Variants in JAKMIP3 observed in about 807,000 individuals in gnomAD.
The protein encoded by JAKMIP3 is Janus kinase and microtubule interacting protein 3, also known as janus kinase and microtubule-interacting protein 3.
Under a neutral mutation model 118.5 loss-of-function variants are expected in JAKMIP3, and 58 were observed. The observed-to-expected ratio is 0.49, with a 90% CI of 0.40 to 0.61. JAKMIP3 has a LOEUF of 0.61. JAKMIP3 is among the 20% of genes least tolerant of loss of function. The pLI, the probability that JAKMIP3 is intolerant of heterozygous loss-of-function variation, is 0.00. For synonymous variants in JAKMIP3, 486 were observed against 451.2 expected, an observed-to-expected ratio of 1.08 and a Z score of -0.98; for missense variants, 950 against 1,109.0, an observed-to-expected ratio of 0.86 and a Z score of 2.04.
At chr10:132,042,095 A>C (rs966190538) in intron 1 of JAKMIP3, among the ~76,000 whole-genome samples, 2 of 151,826 alleles carry the variant, frequency 1.3e-5, no homozygotes, top group Non-Finnish European at 2.9e-5. Flanking sequence ...TTGAATCCTG[A>C]CCTCAAGTGA....
At chr10:132,083,796 T>C (rs2042061431) in intron 1 of JAKMIP3, among the ~76,000 whole-genome samples, 1 of 152,278 alleles carries the variant, frequency 6.6e-6, no homozygotes, top group East Asian at 1.9e-4. Flanking sequence ...GTGTCCTTTC[T>C]CCACTTTGTT....
In JAKMIP3 at chr10:132,179,338, C is replaced by T. The variant is rs1332839729; in HGVS notation, c.*1104-3019C>T. On this transcript the variant is annotated intron_variant, in intron 23 of 23. Transcript: ENST00000684848. This position sits in a 1 kb window ranked among gnomAD's most constrained non-coding sequence, Gnocchi z 4.3. Reference sequence around the variant, plus strand: ...TCCCCGGGCTCTGAGCTGGTTGGGGCTCCACCTGCACTATGCCTGAGCTCC... The same window carrying T: ...TCCCCGGGCTCTGAGCTGGTTGGGGTTCCACCTGCACTATGCCTGAGCTCC... Among the ~76,000 whole-genome samples, 1 of 152,120 alleles carries T rather than the reference C, an allele frequency of 6.6e-6. No homozygotes were observed. Among genetic ancestry groups the T allele is most frequent in the Non-Finnish European group, 1.5e-5 (1 of 68,018 alleles).
In JAKMIP3 at chr10:132,128,201, C is replaced by T. The variant is rs545288127; in HGVS notation, c.634-5111C>T. 7.2e-5 allele frequency among the ~76,000 whole-genome samples: 11 copies of T among 152,312 alleles called. No individual in the cohort carries two copies. In the East Asian group the frequency reaches 1.9e-3, roughly 27 times the overall value. ...AACCTGGAACTCTCACATTGTCAGGCGTTTTTCTTAACACTCAAGAGATGT... is the reference window on the plus strand; with the variant it reads ...AACCTGGAACTCTCACATTGTCAGGTGTTTTTCTTAACACTCAAGAGATGT... On this transcript the variant is annotated intron_variant, in intron 3 of 23. Transcript: ENST00000684848.
chr10:132,164,679 GAGTT>G lies in JAKMIP3; in HGVS notation c.2437_2440del (p.Leu813LysfsTer4). 6.3e-7 allele frequency: 1 copy of G among 1,581,542 alleles called. No homozygotes were observed. Among genetic ancestry groups the G allele is most frequent in the Non-Finnish European group, 8.7e-7 (1 of 1,150,594 alleles). On this transcript the variant is annotated frameshift_variant, in exon 21 of 24. Transcript: ENST00000684848. LOFTEE classifies it high-confidence loss of function. ...CCTTTTAATCTTGCAGAGAATTAAA[GAGTT>G]AGAAGAAAGAATAGAAGCTCAGAAG...
Position 132,153,043 on chromosome 10 carries a change from CA to C in JAKMIP3, c.2073+21del, listed in dbSNP as rs751110760. ...GAAAAGGTAACAGCAGCTGTGTGGA[CA>C]GTCGGGAGAGGGCCGGGCTCCTGGG... On this transcript the variant is annotated intron_variant, in intron 17 of 23. Coordinates refer to ENST00000684848, the MANE Select transcript of JAKMIP3 (RefSeq NM_001323087.2). 14 of 1,595,458 alleles carry C rather than the reference CA, an allele frequency of 8.8e-6. No homozygotes were observed. Among genetic ancestry groups the C allele is most frequent in the African/African-American group, 1.3e-5 (1 of 74,594 alleles).
At chr10:132,059,327 C>A (rs1463474510) in intron 1 of JAKMIP3, among the ~76,000 whole-genome samples, 1 of 152,242 alleles carries the variant, frequency 6.6e-6, no homozygotes, top group Non-Finnish European at 1.5e-5. Flanking sequence ...TGTGCGCTGG[C>A]CACAGGATTG....
upstream of JAKMIP3, among the ~76,000 whole-genome samples, chr10:132,061,261 G>A (rs531877235): frequency 1.0e-4 from 15 of 149,410 alleles, no homozygotes; most frequent in South Asian, 2.6e-3. Flanking sequence ...CACACCTGCC[G>A]TGATGGCGCG....
Position 132,137,309 on chromosome 10 carries a change from G to A in JAKMIP3, c.1284+20G>A, listed in dbSNP as rs377716938. 24 of 1,613,440 alleles carry A rather than the reference G, an allele frequency of 1.5e-5. No individual in the cohort carries two copies. Among genetic ancestry groups the A allele is most frequent in the Admixed American group, 5.0e-5 (3 of 60,002 alleles). ...GTGTTAGTAAGTATGGTCAGCGCCC[G>A]CTTCCCCACGCCTCCGCTCCCCACG... On this transcript the variant is annotated intron_variant, in intron 8 of 23. Transcript: ENST00000684848.
chr10:132,081,683 A>T (rs933623263), intron 1 of JAKMIP3, among the ~76,000 whole-genome samples: 3 of 151,958 alleles, frequency 2.0e-5, no homozygotes, highest in Non-Finnish European at 4.4e-5. Flanking sequence ...TTTTATGTAC[A>T]GCACAGGTCA....
intron 1 of JAKMIP3, among the ~76,000 whole-genome samples, chr10:132,080,567 G>A (rs908837345): frequency 4.6e-5 from 6 of 130,852 alleles, no homozygotes; most frequent in African/African-American, 1.8e-4. Context: ...TGTCACCCAG[G>A]CTGGAGTGCA....
intron 19 of JAKMIP3, 33 bp from the exon 20 acceptor site, chr10:132,163,176 G>T (rs537673945): frequency 1.3e-6 from 2 of 1,537,170 alleles, no homozygotes; most frequent in East Asian, 4.9e-5. Context: ...TGGGGAGAAG[G>T]CAAGGACTAA....
chr10:132,133,171 G>T (rs547058430), intron 3 of JAKMIP3, 141 bp from the exon 4 acceptor site: 45 of 715,590 alleles, frequency 6.3e-5, no homozygotes, highest in Non-Finnish European at 7.6e-5. Flanking sequence ...CCAGGGCCAC[G>T]GGCTCCTGCT....
In JAKMIP3 at chr10:132,149,431, C is replaced by CCGCCATCAGCTTCCACCACA. The variant is rs1412813158; in HGVS notation, c.1873_1892dup (p.Phe632SerfsTer24). 1 of 1,604,012 alleles carries CCGCCATCAGCTTCCACCACA rather than the reference C, an allele frequency of 6.2e-7. No homozygotes were observed. The highest frequency in any genetic ancestry group is 1.3e-5 in the African/African-American group (1 of 74,572). On this transcript the variant is annotated frameshift_variant, in exon 15 of 24. Coordinates refer to ENST00000684848, the MANE Select transcript of JAKMIP3 (RefSeq NM_001323087.2). LOFTEE classifies it high-confidence loss of function. ...TCCTAGGAGAGGGAGAGGAAGTCAC[C>CCGCCATCAGCTTCCACCACA]CGCCATCAGCTTCCACCACACGCCC...
intron 19 of JAKMIP3, among the ~76,000 whole-genome samples, chr10:132,154,261 A>G (rs1416824321): frequency 6.6e-6 from 1 of 152,192 alleles, no homozygotes; most frequent in Non-Finnish European, 1.5e-5. Flanking sequence ...TGTGCAGGTC[A>G]CTCAAGCACA....
At chr10:132,136,131 A>T (rs115838316) in intron 6 of JAKMIP3, 55 bp downstream of exon 6, 1 of 1,580,166 alleles carries the variant, frequency 6.3e-7, no homozygotes, top group East Asian at 2.2e-5. Flanking sequence ...TCCAGGCAGC[A>T]TCTCCTCCCT....
rs1368774501 is a variant in JAKMIP3, at chr10:132,180,544, TGCGTGCGTGCATGC to T, written c.*1104-1811_*1104-1798del. ...AGAACTGTGTGTGTGTGTGTGTGTG[TGCGTGCGTGCATGC>T]GTGTGTGTGCGTGTGTGTGTGCGTG... On this transcript the variant is annotated intron_variant, in intron 23 of 23. Coordinates refer to ENST00000684848, the MANE Select transcript of JAKMIP3 (RefSeq NM_001323087.2). 2.3e-3 allele frequency among the ~76,000 whole-genome samples: 60 copies of T among 25,950 alleles called. 4 individuals are homozygous for T. The highest frequency in any genetic ancestry group is 7.0e-3 in the East Asian group (3 of 428). 17.0% of individuals were successfully genotyped at this position (25,950 alleles called of 152,430 possible). A position where few individuals can be genotyped will look rare whatever the true frequency, so the allele number is the denominator to read the frequency against.
intron 3 of JAKMIP3, among the ~76,000 whole-genome samples, chr10:132,132,641 C>A (rs2050859626): frequency 6.6e-6 from 1 of 152,238 alleles, no homozygotes; most frequent in African/African-American, 2.4e-5. Flanking sequence ...CCCCAAAAGC[C>A]TTGGCTCGCA....
At chr10:132,121,576 G>A (rs983548337) in intron 3 of JAKMIP3, among the ~76,000 whole-genome samples, 2 of 152,176 alleles carry the variant, frequency 1.3e-5, no homozygotes, top group African/African-American at 4.8e-5. Flanking sequence ...CTTTGCTCAC[G>A]GTCAGACATT....
rs1366356543 is a variant in JAKMIP3 at position 132,109,099 on chromosome 10, T to C, written c.135+4156T>C. On this transcript the variant is annotated intron_variant, in intron 2 of 23. Coordinates refer to ENST00000684848, the MANE Select transcript of JAKMIP3 (RefSeq NM_001323087.2). ...ACACATATATATACACACACATATATATATACACACACACATATATATATA... is the reference window on the plus strand; with the variant it reads ...ACACATATATATACACACACATATACATATACACACACACATATATATATA... Among the ~76,000 whole-genome samples the C allele has an allele frequency of 6.2e-5, 9 of 144,560 alleles. 1 individual carries two copies. The highest frequency in any genetic ancestry group is 2.4e-4 in the African/African-American group (9 of 37,326). The allele number at this position is 144,560 out of a possible 152,430, so 94.8% of individuals were successfully genotyped here. A position where few individuals can be genotyped will look rare whatever the true frequency, so the allele number is the denominator to read the frequency against.
Sources: gnomAD v4.1 joint callset for allele counts (sites outside exome capture counted in the v4.1 genomes callset) on GRCh38, gnomAD v4.1.1 for gene constraint, Gnocchi (gnomAD v3.1) non-coding constraint, MANE v1.5 for transcripts, NCBI Gene and HGNC (gene_info 2026-07-23, HGNC 2026-07-21) for gene names.